Variants in CACNA1G observed in about 807,000 individuals in gnomAD.
CACNA1G encodes voltage-dependent T-type calcium channel subunit alpha-1G.
CACNA1G carries 67 observed loss-of-function variants against 219.4 expected under a neutral mutation model. That is an observed-to-expected ratio of 0.31 (90% CI 0.25 to 0.37). The LOEUF (loss-of-function observed/expected upper bound fraction) is 0.37, where lower values mean the gene tolerates loss of function less well. Among genes scored for constraint, CACNA1G ranks in the 10% least tolerant of loss-of-function variants. The probability of loss-of-function intolerance (pLI) is 1.00; values close to 1 mark genes in which losing one functional copy is unlikely to be tolerated. For synonymous variants in CACNA1G, 1,296 were observed against 1,345.3 expected (o/e 0.96, Z 0.80); for missense variants, 2,380 against 3,231.4 (o/e 0.74, Z 6.39).
rs1311171697 is a variant in CACNA1G, at chr17:50,627,156, G to C, written c.*405G>C. On this transcript the variant is annotated 3_prime_UTR_variant, in exon 38 of 38. Coordinates refer to ENST00000359106, the MANE Select transcript of CACNA1G (RefSeq NM_018896.5). ...GTCTCAGAATATTTTTGAGGCGAAG[G>C]CGTCTGTCTCTTGGCTATTTTAACC... 4.4e-6 allele frequency: 2 copies of C among 457,898 alleles called. No homozygotes were observed. The highest frequency in any genetic ancestry group is 8.7e-6 in the Non-Finnish European group (2 of 229,592). 28.4% of individuals were successfully genotyped at this position (457,898 alleles called of 1,614,324 possible).
rs1427137541 is a variant in CACNA1G at position 50,621,216 on chromosome 17, G to A, written c.5926-444G>A. Among the ~76,000 whole-genome samples, 1 of 152,136 alleles carries A rather than the reference G, an allele frequency of 6.6e-6. No individual in the cohort carries two copies. The highest frequency in any genetic ancestry group is 1.5e-5 in the Non-Finnish European group (1 of 68,010). On this transcript the variant is annotated intron_variant, in intron 34 of 37. Coordinates refer to ENST00000359106, the MANE Select transcript of CACNA1G (RefSeq NM_018896.5). This position sits in a 1 kb window ranked among gnomAD's most constrained non-coding sequence, Gnocchi z 4.6. Reference sequence around the variant, plus strand: ...CATTGTCGCCGGCGCCCCCCGTGCCGCTCTGTCTGTGCCGGGAGGAGAGAC... The same window carrying A: ...CATTGTCGCCGGCGCCCCCCGTGCCACTCTGTCTGTGCCGGGAGGAGAGAC...
At chr17:50,625,730 C>T (rs930263165) in intron 37 of CACNA1G, among the ~76,000 whole-genome samples, 3 of 152,258 alleles carry the variant, frequency 2.0e-5, no homozygotes, top group Admixed American at 1.3e-4. Flanking sequence ...TCTCTCATAT[C>T]CCAGGAGGCA....
intron 37 of CACNA1G, 38 bp from the exon 38 acceptor site, chr17:50,625,978 AG>A (rs762053189): frequency 1.3e-6 from 2 of 1,561,468 alleles, no homozygotes; most frequent in Non-Finnish European, 1.7e-6. Flanking sequence ...CATGCTGGAG[AG>A]GAGACTGCTG....
In CACNA1G at chr17:50,592,098, C is replaced by T; in HGVS notation, c.2910+6C>T. ...TGGAGGGCTTCCAGGCGGAGGTAAC[C>T]CACTGCTCTGCCCACCTCACCCTGC... On this transcript the variant is annotated splice_donor_region_variant and intron_variant, in intron 13 of 37. Transcript: ENST00000359106. The T allele has an allele frequency of 6.2e-7, 1 of 1,609,026 alleles. No homozygotes were observed.
At chr17:50,602,330 C>G (rs2046876435) in intron 19 of CACNA1G, among the ~76,000 whole-genome samples, 1 of 152,362 alleles carries the variant, frequency 6.6e-6, no homozygotes, top group South Asian at 2.1e-4. Flanking sequence ...GGCCTTCCTC[C>G]CTGCCCTGCC....
chr17:50,565,064 G>A (rs903638317), intron 1 of CACNA1G, among the ~76,000 whole-genome samples: 9 of 95,820 alleles, frequency 9.4e-5, no homozygotes, highest in Non-Finnish European at 1.3e-4. Context: ...CACTCACCCC[G>A]CCCTGCCTGC....
rs2052203716 is a variant in CACNA1G, at chr17:50,621,923, C to A, written c.6060+129C>A. The A allele has an allele frequency of 2.0e-6, 2 of 987,540 alleles. No individual in the cohort carries two copies. Among genetic ancestry groups the A allele is most frequent in the Non-Finnish European group, 1.5e-6 (1 of 666,652 alleles). The allele number at this position is 987,540 out of a possible 1,614,324, so 61.2% of individuals were successfully genotyped here. ...TTTGCTGCCAGGCTCCACCCAGAGG[C>A]ATCAACTGTCAGGACCTCGGTGGCC... On this transcript the variant is annotated intron_variant, in intron 35 of 37. Coordinates refer to ENST00000359106, the MANE Select transcript of CACNA1G (RefSeq NM_018896.5). The surrounding 1 kb of genome is among the most constrained non-coding windows in gnomAD (Gnocchi z 4.6).
chr17:50,609,472 C>T (rs1371771533), intron 25 of CACNA1G, among the ~76,000 whole-genome samples: 2 of 152,128 alleles, frequency 1.3e-5, no homozygotes, highest in Non-Finnish European at 2.9e-5. Context: ...CACTCCTGCT[C>T]CATCCTCCCC....
At position 50,605,982 on chromosome 17, in the gene CACNA1G, C is replaced by T. The variant is rs2047874771; in HGVS notation, c.4381C>T (p.Arg1461Trp). ...ATCGGACTGTGCCGAGGCCAGTTAC[C>T]GGTGGGTCCGGCACAAGTACAACTT... ...NKSDCAEASY[R>W]WVRHKYNFDN... The change falls in exon 23 of 38, where the codon CGG (arginine) becomes TGG (tryptophan). Residue 1461 changes from arginine to tryptophan, a missense_variant. Physicochemically the swap from Arg to Trp is moderately radical, Grantham distance 101 (BLOSUM62 -3). Coordinates refer to ENST00000359106, the MANE Select transcript of CACNA1G (RefSeq NM_018896.5). 6.2e-7 allele frequency: 1 copy of T among 1,613,854 alleles called. No individual in the cohort carries two copies. The highest frequency in any genetic ancestry group is 8.5e-7 in the Non-Finnish European group (1 of 1,179,898).
chr17:50,596,645 C>A lies in CACNA1G; in HGVS notation c.3063C>A (p.Ala1021=), dbSNP rs771431361. 3.1e-6 allele frequency: 5 copies of A among 1,613,892 alleles called. No individual in the cohort carries two copies. The highest frequency in any genetic ancestry group is 4.2e-6 in the Non-Finnish European group (5 of 1,179,796). The change falls in exon 15 of 38, where the codon GCC becomes GCA. Residue 1021 remains alanine, a splice_region_variant and synonymous_variant. Coordinates refer to ENST00000359106, the MANE Select transcript of CACNA1G (RefSeq NM_018896.5). This position sits in a 1 kb window ranked among gnomAD's most constrained non-coding sequence, Gnocchi z 4.8. ...ATGGGGACAGGAAGAAGTGCTTGGC[C>A]TGTGAGTACCTATCCTGGGGTGCGA... ...DGDGDRKKCL[A]LVSLGEHPEL... is the part of the protein sequence containing the mutation.
chr17:50,600,383 A>T lies in CACNA1G; in HGVS notation c.3691-343A>T, dbSNP rs2046376595. Among the ~76,000 whole-genome samples, 1 of 151,698 alleles carries T rather than the reference A, an allele frequency of 6.6e-6. No homozygotes were observed. The highest frequency in any genetic ancestry group is 2.1e-4 in the South Asian group (1 of 4,794). ...TCTGAACAGACAGCTGTGTGGGGCC[A>T]GTGTTTGATAACTGATGCTGCTTCC... On this transcript the variant is annotated intron_variant, in intron 17 of 37. Transcript: ENST00000359106. This position sits in a 1 kb window ranked among gnomAD's most constrained non-coding sequence, Gnocchi z 4.1.
At position 50,589,912 on chromosome 17, in the gene CACNA1G, C is replaced by G. The variant is rs867280225; in HGVS notation, c.2302-559C>G. ...TGCATTTTTCTCTCTCTCTCTCTCT[C>G]TGTGTGTGTGTGTGTGTGTGTGTGT... On this transcript the variant is annotated intron_variant, in intron 9 of 37. Coordinates refer to ENST00000359106, the MANE Select transcript of CACNA1G (RefSeq NM_018896.5). Among the ~76,000 whole-genome samples the G allele has an allele frequency of 4.4e-3, 630 of 141,908 alleles. 6 individuals are homozygous for G. Among genetic ancestry groups the G allele is most frequent in the African/African-American group, 0.012 (429 of 35,262 alleles). 93.1% of individuals were successfully genotyped at this position (141,908 alleles called of 152,430 possible).
chr17:50,574,464 G>C (rs974508938), intron 7 of CACNA1G, among the ~76,000 whole-genome samples: 2 of 152,202 alleles, frequency 1.3e-5, no homozygotes, highest in Non-Finnish European at 2.9e-5. Context: ...GAGTGGGCAG[G>C]CTTGGGGCGA....
chr17:50,582,731 C>G (rs1473055851), intron 9 of CACNA1G, among the ~76,000 whole-genome samples: 1 of 151,828 alleles, frequency 6.6e-6, no homozygotes, highest in African/African-American at 2.4e-5. Context: ...GGGACAGGTG[C>G]TAGTCTAATG....
chr17:50,561,122 A>C lies in CACNA1G; in HGVS notation c.-338A>C. The C allele has an allele frequency of 3.0e-5, 13 of 430,810 alleles. No individual in the cohort carries two copies. Among genetic ancestry groups the C allele is most frequent in the East Asian group, 9.2e-5 (1 of 10,894 alleles). The allele number at this position is 430,810 out of a possible 1,614,324, so 26.7% of individuals were successfully genotyped here. A position where few individuals can be genotyped will look rare whatever the true frequency, so the allele number is the denominator to read the frequency against. Reference sequence around the variant, plus strand: ...TCGCCCTCTCGGGGCGGCTTCGCCGAAGGTAGCGCCGAATCCGGCAACCGG... The same window carrying C: ...TCGCCCTCTCGGGGCGGCTTCGCCGCAGGTAGCGCCGAATCCGGCAACCGG... On this transcript the variant is annotated 5_prime_UTR_variant, in exon 1 of 38. Coordinates refer to ENST00000359106, the MANE Select transcript of CACNA1G (RefSeq NM_018896.5).
intron 8 of CACNA1G, 111 bp downstream of exon 8, chr17:50,576,437 C>A: frequency 9.2e-7 from 1 of 1,084,504 alleles, no homozygotes; most frequent in Admixed American, 2.1e-5. Context: ...TATTCTCATG[C>A]TGCCTCTCAT....
rs932301758 is a variant in CACNA1G at position 50,565,384 on chromosome 17, G to GT, written c.243-3486_243-3485insT. On this transcript the variant is annotated intron_variant, in intron 1 of 37. Coordinates refer to ENST00000359106, the MANE Select transcript of CACNA1G (RefSeq NM_018896.5). The stretch of plus-strand genomic sequence containing the variant: ...CACAGGGAAATAGGCTTGTGGGGTG[G>GT]GGCGGGGGGTTCTGCTGGGGGAATC... Among the ~76,000 whole-genome samples the GT allele has an allele frequency of 1.9e-4, 15 of 79,278 alleles. 1 individual carries two copies. Among genetic ancestry groups the GT allele is most frequent in the South Asian group, 3.3e-4 (1 of 2,992 alleles). 52.0% of individuals were successfully genotyped at this position (79,278 alleles called of 152,430 possible).
intron 16 of CACNA1G, 82 bp downstream of exon 16, chr17:50,597,005 C>A: frequency 7.7e-7 from 1 of 1,299,408 alleles, no homozygotes; most frequent in Non-Finnish European, 1.0e-6. Flanking sequence ...GCAGGCGGGT[C>A]CAAGGGCACA....
chr17:50,577,438 C>T (rs940709298), intron 8 of CACNA1G, among the ~76,000 whole-genome samples: 6 of 148,808 alleles, frequency 4.0e-5, no homozygotes, highest in Non-Finnish European at 7.4e-5. Context: ...TGAGTGTGTG[C>T]GCACGAGTGC....
Sources: allele counts gnomAD v4.1 joint callset (sites outside exome capture counted in the v4.1 genomes callset), GRCh38; gene constraint gnomAD v4.1.1; non-coding constraint Gnocchi (gnomAD v3.1); transcripts MANE v1.5; gene names NCBI Gene and HGNC (gene_info 2026-07-23, HGNC 2026-07-21).